The following ITGA11 variants were observed in gnomAD, a reference collection of about 807,000 sequenced individuals.
The protein encoded by ITGA11 is integrin alpha-11.
ITGA11 carries 97 observed loss-of-function variants against 141.9 expected under a neutral mutation model. The observed-to-expected ratio is 0.68, with a 90% CI of 0.58 to 0.81. ITGA11 has a LOEUF of 0.81. Ranked by LOEUF, ITGA11 falls within the 30% of genes least tolerant of loss-of-function variation. The probability of loss-of-function intolerance (pLI) is 0.00; values close to 1 mark genes in which losing one functional copy is unlikely to be tolerated. For missense variants in ITGA11, 1,387 were observed against 1,559.2 expected, an observed-to-expected ratio of 0.89 and a Z score of 1.86; for synonymous variants, 658 against 624.6, an observed-to-expected ratio of 1.05 and a Z score of -0.80.
chr15:68,411,717 G>C (rs1193320387), intron 1 of ITGA11, among the ~76,000 whole-genome samples: 1 of 152,166 alleles, frequency 6.6e-6, no homozygotes, highest in African/African-American at 2.4e-5. Context: ...ATGGGACTTT[G>C]TAATTCCTGC....
At chr15:68,401,846 G>A (rs1031628358) in intron 2 of ITGA11, among the ~76,000 whole-genome samples, 40 of 152,036 alleles carry the variant, frequency 2.6e-4, no homozygotes, top group African/African-American at 9.2e-4. Flanking sequence ...GTTATACCTC[G>A]GTAGAAAGAT....
In ITGA11 at chr15:68,308,735, C is replaced by T. The variant is rs527736713; in HGVS notation, c.3175-1039G>A. On this transcript the variant is annotated intron_variant, in intron 26 of 29. Coordinates refer to ENST00000315757, the MANE Select transcript of ITGA11 (RefSeq NM_001004439.2). The surrounding 1 kb of genome is among the most constrained non-coding windows in gnomAD (Gnocchi z 5.2). ...TCCAGCTGGGTGACCGAGCCAGACT[C>T]TGTCTCAAAAGAAAAGAAAAGAAAA... 7.3e-4 allele frequency among the ~76,000 whole-genome samples: 76 copies of T among 104,010 alleles called. No individual in the cohort carries two copies. Among genetic ancestry groups the T allele is most frequent in the Non-Finnish European group, 1.4e-3 (65 of 47,058 alleles). 68.2% of individuals were successfully genotyped at this position (104,010 alleles called of 152,430 possible). A position where few individuals can be genotyped will look rare whatever the true frequency, so the allele number is the denominator to read the frequency against.
chr15:68,339,695 G>A, intron 10 of ITGA11, 51 bp from the exon 11 acceptor site: 1 of 1,605,386 alleles, frequency 6.2e-7, no homozygotes, highest in Middle Eastern at 1.7e-4. Flanking sequence ...TGGGCCAGTT[G>A]CCAGGAGCCA....
intron 23 of ITGA11, among the ~76,000 whole-genome samples, 182 bp from the exon 24 acceptor site, chr15:68,313,045 G>A (rs1001356426): frequency 6.6e-6 from 1 of 152,216 alleles, no homozygotes; most frequent in East Asian, 1.9e-4. Context: ...AGGAATCAGC[G>A]CTGCCATGGG....
intron 6 of ITGA11, among the ~76,000 whole-genome samples, chr15:68,357,869 T>TA (rs1895118745): frequency 6.6e-6 from 1 of 152,216 alleles, no homozygotes; most frequent in East Asian, 1.9e-4. Flanking sequence ...CATGATACCC[T>TA]AAAAGATGAT....
chr15:68,328,383 GT>G lies in ITGA11; in HGVS notation c.1902-122del. 1.3e-6 allele frequency: 1 copy of G among 777,642 alleles called. No individual in the cohort carries two copies. Among genetic ancestry groups the G allele is most frequent in the Non-Finnish European group, 2.0e-6 (1 of 489,438 alleles). 48.2% of individuals were successfully genotyped at this position (777,642 alleles called of 1,614,324 possible). On this transcript the variant is annotated intron_variant, in intron 15 of 29. Transcript: ENST00000315757. The surrounding 1 kb of genome is among the most constrained non-coding windows in gnomAD (Gnocchi z 4.8). ...CTGCAAAGCCACTGGAGGGGGTGAG[GT>G]GGAGGATGGAGGGGGCGAGGTGGAG...
At position 68,375,790 on chromosome 15, in the gene ITGA11, G is replaced by C. The variant is rs186400330; in HGVS notation, c.165-6506C>G. 2.1e-3 allele frequency among the ~76,000 whole-genome samples: 321 copies of C among 152,298 alleles called. 2 individuals are homozygous for C. Among genetic ancestry groups the C allele is most frequent in the African/African-American group, 7.5e-3 (313 of 41,556 alleles). On this transcript the variant is annotated intron_variant, in intron 2 of 29. Transcript: ENST00000315757. ...TTATGTGTCAACTTGACTGGGCCAC[G>C]GGGTGCCTAGATATATGGCCAAACG...
intron 1 of ITGA11, among the ~76,000 whole-genome samples, chr15:68,411,701 T>C (rs1896774448): frequency 6.6e-6 from 1 of 152,166 alleles, no homozygotes; most frequent in African/African-American, 2.4e-5. Context: ...ATGCACACCC[T>C]TTACCATGGG....
At chr15:68,368,515 G>A (rs969723697) in intron 3 of ITGA11, among the ~76,000 whole-genome samples, 2 of 152,208 alleles carry the variant, frequency 1.3e-5, no homozygotes, top group Admixed American at 1.3e-4. Context: ...TTCGGAGGCT[G>A]GGGGCTGTTC....
At chr15:68,315,152 G>A (rs768705440) in intron 22 of ITGA11, among the ~76,000 whole-genome samples, 5 of 152,176 alleles carry the variant, frequency 3.3e-5, no homozygotes, top group Non-Finnish European at 7.3e-5. Context: ...AGGACAGGAA[G>A]AGCCCTGGAT....
Position 68,316,235 on chromosome 15 carries a change from A to G in ITGA11, c.2716-508T>C, listed in dbSNP as rs377215436. On this transcript the variant is annotated intron_variant, in intron 21 of 29. Transcript: ENST00000315757. ...GGGCCAGTGGCCACCCAGCAGGCCA[A>G]CAAGGCATCCGCCCCTTGTCTGGCA... Among the ~76,000 whole-genome samples, 97 of 152,354 alleles carry G rather than the reference A, an allele frequency of 6.4e-4. 1 individual carries two copies. The highest frequency in any genetic ancestry group is 2.2e-3 in the African/African-American group (90 of 41,584).
At chr15:68,344,088 G>A (rs1894659543) in intron 10 of ITGA11, among the ~76,000 whole-genome samples, 1 of 152,164 alleles carries the variant, frequency 6.6e-6, no homozygotes, top group Non-Finnish European at 1.5e-5. Flanking sequence ...GGCACAGCCT[G>A]AGGATATGGG....
At chr15:68,348,702 G>C (rs1894812405) in intron 10 of ITGA11, 128 bp downstream of exon 10, 7 of 761,676 alleles carry the variant, frequency 9.2e-6, no homozygotes, top group Non-Finnish European at 1.5e-5. Flanking sequence ...CCCCAAGAAA[G>C]AGAGAAAGTG....
chr15:68,362,007 C>T, intron 4 of ITGA11: 1 of 284,958 alleles, frequency 3.5e-6, no homozygotes, highest in Non-Finnish European at 6.8e-6. Flanking sequence ...ACCTGCCCAC[C>T]CCACTCACCC....
intron 5 of ITGA11, among the ~76,000 whole-genome samples, chr15:68,359,951 G>A (rs1307904740): frequency 6.6e-6 from 1 of 152,220 alleles, no homozygotes; most frequent in African/African-American, 2.4e-5. Flanking sequence ...CTTGCATTTC[G>A]AAGAGGCACT....
rs1432150871 is a variant in ITGA11 at position 68,308,258 on chromosome 15, T to C, written c.3175-562A>G. On this transcript the variant is annotated intron_variant, in intron 26 of 29. Transcript: ENST00000315757. This position sits in a 1 kb window ranked among gnomAD's most constrained non-coding sequence, Gnocchi z 5.2. ...ATCTAGTTTGAGGCACTAAGAAAGA[T>C]AAGACATCAGTTTGAAAAGAGCCCC... is the stretch of plus-strand genomic sequence containing the variant. Among the ~76,000 whole-genome samples the C allele has an allele frequency of 3.3e-5, 5 of 152,208 alleles. No homozygotes were observed. The highest frequency in any genetic ancestry group is 1.9e-4 in the East Asian group (1 of 5,200).
intron 1 of ITGA11, among the ~76,000 whole-genome samples, chr15:68,427,680 TCTC>T (rs1265731483): frequency 2.0e-5 from 3 of 152,136 alleles, no homozygotes; most frequent in Non-Finnish European, 4.4e-5. Flanking sequence ...CCAGCACCAG[TCTC>T]CTCCTCTCCT....
chr15:68,306,746 A>C (rs1044724088), intron 28 of ITGA11, among the ~76,000 whole-genome samples: 2 of 152,180 alleles, frequency 1.3e-5, no homozygotes, highest in Non-Finnish European at 2.9e-5. Flanking sequence ...GCTCTCCAGC[A>C]TCTCCCTGGG....
chr15:68,390,480 C>T (rs78063008), intron 2 of ITGA11, among the ~76,000 whole-genome samples: 1,812 of 152,194 alleles, frequency 0.012, 34 homozygotes, highest in African/African-American at 0.041. Flanking sequence ...GTGGAAACAG[C>T]GGATCCTTGG....
Sources: gnomAD v4.1 joint callset for allele counts (sites outside exome capture counted in the v4.1 genomes callset) on GRCh38, gnomAD v4.1.1 for gene constraint, Gnocchi (gnomAD v3.1) non-coding constraint, MANE v1.5 for transcripts, NCBI Gene and HGNC (gene_info 2026-07-23, HGNC 2026-07-21) for gene names.